CYP1B1: variants seen among roughly 807,000 people sequenced by gnomAD.
The protein encoded by CYP1B1 is cytochrome P450 family 1 subfamily B member 1.
In CYP1B1, 22 loss-of-function variants were observed where a neutral mutation model predicts 29.9. That is an observed-to-expected ratio of 0.74 (90% CI 0.53 to 1.05). The LOEUF is 1.05. Among genes scored for constraint, CYP1B1 ranks in the 50% least tolerant of loss-of-function variants. The probability of loss-of-function intolerance (pLI) is 0.00; values close to 1 mark genes in which losing one functional copy is unlikely to be tolerated. For synonymous variants in CYP1B1, 375 were observed against 320.0 expected (o/e 1.17, Z -1.83); for missense variants, 883 against 746.9 (o/e 1.18, Z -2.12).
chr2:38,074,863 C>T lies in CYP1B1; in HGVS notation c.526G>A (p.Glu176Lys), dbSNP rs1204570375. ...CCGCGCACCAGCAGCGCCACCAGCT[C>T]GCGCGCCTCGCTCAGCACGTGGCCC... ...LEGHVLSEAR[E>K]LVALLVRGSA... The change falls in exon 2 of 3, where the codon GAG becomes AAG. Residue 176 changes from glutamate (E) to lysine (K), a missense_variant. Physicochemically the swap from Glu to Lys is moderately conservative, Grantham distance 56. Coordinates refer to ENST00000610745, the MANE Select transcript of CYP1B1 (RefSeq NM_000104.4). 5 of 1,554,798 alleles carry T rather than the reference C, an allele frequency of 3.2e-6. No individual in the cohort carries two copies. The South Asian group carries it at 3.5e-5, about 11-fold the overall frequency.
intron 2 of CYP1B1, among the ~76,000 whole-genome samples, chr2:38,072,587 GAA>G (rs1297341476): frequency 6.6e-6 from 1 of 151,792 alleles, no homozygotes; most frequent in South Asian, 2.1e-4. Flanking sequence ...TTGCAACTCC[GAA>G]AAAAAATGTA....
chr2:38,075,207 C>G lies in CYP1B1; in HGVS notation c.182G>C (p.Gly61Ala), dbSNP rs28936700. ...PPGPFAWPLIGNAAAVGQAAH... is the reference protein window; with the variant it reads ...PPGPFAWPLIANAAAVGQAAH... ...CGCCTGGCCCACCGCCGCCGCGTTTCCGATCAGTGGCCACGCAAACGGGCC... is the reference window on the plus strand; with the variant it reads ...CGCCTGGCCCACCGCCGCCGCGTTTGCGATCAGTGGCCACGCAAACGGGCC... The change falls in exon 2 of 3, where the codon GGA (glycine) becomes GCA (alanine). Residue 61 changes from glycine to alanine, a missense_variant. Coordinates refer to ENST00000610745, the MANE Select transcript of CYP1B1 (RefSeq NM_000104.4). 6.3e-7 allele frequency: 1 copy of G among 1,579,668 alleles called. No homozygotes were observed.
intron 2 of CYP1B1, among the ~76,000 whole-genome samples, chr2:38,071,860 C>G (rs549124113): frequency 6.6e-6 from 1 of 152,138 alleles, no homozygotes; most frequent in Non-Finnish European, 1.5e-5. Context: ...CCAGGGCCCA[C>G]GAAAGTTACA....
intron 2 of CYP1B1, 56 bp downstream of exon 2, chr2:38,074,290 T>G (rs1341428011): frequency 1.3e-6 from 2 of 1,578,720 alleles, no homozygotes; most frequent in Non-Finnish European, 1.7e-6. Context: ...ATTCTGTCTC[T>G]ACTCCGCCTT....
At chr2:38,072,252 G>A (rs1682446914) in intron 2 of CYP1B1, among the ~76,000 whole-genome samples, 1 of 152,128 alleles carries the variant, frequency 6.6e-6, no homozygotes, top group Non-Finnish European at 1.5e-5. Flanking sequence ...GCCAGGCATG[G>A]TGGTACACGC....
chr2:38,075,369 G>A lies in CYP1B1; in HGVS notation c.20C>T (p.Pro7Leu), dbSNP rs764759660. Residue 7 changes from proline (P) to leucine (L), a missense_variant, in exon 2 of 3, where the codon CCG becomes CTG. By Grantham distance (98) the Pro-to-Leu change is moderately conservative. Transcript: ENST00000610745. ...CGGGTTTAGCGGCCAAGGGTCGTTCGGGCTGAGGCTGGTGCCCATGCTGGG... is the reference window on the plus strand; with the variant it reads ...CGGGTTTAGCGGCCAAGGGTCGTTCAGGCTGAGGCTGGTGCCCATGCTGGG... MGTSLS[P>L]NDPWPLNPLS... 2 of 1,612,900 alleles carry A rather than the reference G, an allele frequency of 1.2e-6. No homozygotes were observed. Among genetic ancestry groups the A allele is most frequent in the East Asian group, 2.2e-5 (1 of 44,864 alleles).
rs201824781 is a variant in CYP1B1, at chr2:38,075,234, G to A, written c.155C>T (p.Pro52Leu). ...GATCAGTGGCCACGCAAACGGGCCC[G>A]GGGGCGCGGACCGGAGCTGCCGCCT... is the stretch of plus-strand genomic sequence containing the variant. ...QRRRQLRSAP[P>L]GPFAWPLIGN... Residue 52 changes from proline (P) to leucine (L), a missense_variant, in exon 2 of 3, where the codon CCG becomes CTG. Pro to Leu is a moderately conservative substitution (Grantham distance 98). Coordinates refer to ENST00000610745, the MANE Select transcript of CYP1B1 (RefSeq NM_000104.4). The A allele has an allele frequency of 2.9e-4, 454 of 1,589,128 alleles. 1 individual carries two copies. The highest frequency in any genetic ancestry group is 3.0e-4 in the Non-Finnish European group (351 of 1,173,366).
At position 38,074,832 on chromosome 2, in the gene CYP1B1, G is replaced by C. The variant is rs1462891827; in HGVS notation, c.557C>G (p.Ala186Gly). ...CCTCGGGTCGAGGAAGGCGCCGTCC[G>C]CGCTGCCGCGCACCAGCAGCGCCAC... The part of the protein sequence containing the change: ...ELVALLVRGS[A>G]DGAFLDPRPL... The change falls in exon 2 of 3, where the codon GCG becomes GGG. Residue 186 changes from alanine (A) to glycine (G), a missense_variant. Coordinates refer to ENST00000610745, the MANE Select transcript of CYP1B1 (RefSeq NM_000104.4). 6.4e-7 allele frequency: 1 copy of C among 1,565,010 alleles called. No individual in the cohort carries two copies. Among genetic ancestry groups the C allele is most frequent in the African/African-American group, 1.4e-5 (1 of 73,820 alleles).
Position 38,074,525 on chromosome 2 carries a change from GGCGGCCCCGGGCCGAAGGCTTTCGCAGT to G in CYP1B1, c.836_863del (p.His279ProfsTer5), listed in dbSNP as rs1201057731. 1 of 1,607,602 alleles carries G rather than the reference GGCGGCCCCGGGCCGAAGGCTTTCGCAGT, an allele frequency of 6.2e-7. No individual in the cohort carries two copies. Among genetic ancestry groups the G allele is most frequent in the Non-Finnish European group, 8.5e-7 (1 of 1,177,382 alleles). ...TAAAGGCGTCCATCATGTCGCGGGG[GGCGGCCCCGGGCCGAAGGCTTTCGCAGT>G]GCCTCAAGAACTTGTCCAGGATGAA... On this transcript the variant is annotated frameshift_variant, in exon 2 of 3. Coordinates refer to ENST00000610745, the MANE Select transcript of CYP1B1 (RefSeq NM_000104.4). LOFTEE classifies it high-confidence loss of function.
Position 38,075,084 on chromosome 2 carries a change from G to C in CYP1B1, c.305C>G (p.Ala102Gly). ...CPIVVLNGER[A>G]IHQALVQQGS... ...CTGCTGCACCAGGGCCTGGTGGATG[G>C]CGCGCTCGCCATTCAGCACCACTAT... is the stretch of plus-strand genomic sequence containing the variant. Residue 102 changes from alanine to glycine, a missense_variant, in exon 2 of 3, where the codon GCC becomes GGC. Coordinates refer to ENST00000610745, the MANE Select transcript of CYP1B1 (RefSeq NM_000104.4). The C allele has an allele frequency of 6.3e-7, 1 of 1,580,856 alleles. No homozygotes were observed. The highest frequency in any genetic ancestry group is 8.5e-7 in the Non-Finnish European group (1 of 1,171,196).
Position 38,068,263 on chromosome 2 carries a change from C to T in CYP1B1, c.*2459G>A, listed in dbSNP as rs1682350343. On this transcript the variant is annotated 3_prime_UTR_variant, in exon 3 of 3. Coordinates refer to ENST00000610745, the MANE Select transcript of CYP1B1 (RefSeq NM_000104.4). ...GCCTCCAAATTCAGTTATTTTCATT[C>T]GTTTTTTGTTTTCTTTTCCTTTCTT... is the stretch of plus-strand genomic sequence containing the variant. 1 of 219,404 alleles carries T rather than the reference C, an allele frequency of 4.6e-6. No homozygotes were observed. The highest frequency in any genetic ancestry group is 5.8e-5 in the Admixed American group (1 of 17,308). 13.6% of individuals were successfully genotyped at this position (219,404 alleles called of 1,614,324 possible).
chr2:38,068,646 T>C lies in CYP1B1; in HGVS notation c.*2076A>G. ...TCTAATGCCTTTAAAAATACTGGCATGATTTTTTATATTCAAGAAGTACAG... is the reference window on the plus strand; with the variant it reads ...TCTAATGCCTTTAAAAATACTGGCACGATTTTTTATATTCAAGAAGTACAG... On this transcript the variant is annotated 3_prime_UTR_variant, in exon 3 of 3. Coordinates refer to ENST00000610745, the MANE Select transcript of CYP1B1 (RefSeq NM_000104.4). 4.4e-6 allele frequency: 1 copy of C among 226,230 alleles called. No individual in the cohort carries two copies. The highest frequency in any genetic ancestry group is 8.8e-6 in the Non-Finnish European group (1 of 113,388). The allele number at this position is 226,230 out of a possible 1,614,324, so 14.0% of individuals were successfully genotyped here.
chr2:38,069,694 TC>T lies in CYP1B1; in HGVS notation c.*1027del, dbSNP rs144188082. 1,387 of 202,436 alleles carry T rather than the reference TC, an allele frequency of 6.9e-3. 18 individuals are homozygous for T. The highest frequency in any genetic ancestry group is 0.03 in the African/African-American group (1,313 of 43,772). The allele number at this position is 202,436 out of a possible 1,614,324, so 12.5% of individuals were successfully genotyped here. On this transcript the variant is annotated 3_prime_UTR_variant, in exon 3 of 3. Transcript: ENST00000610745. ...AAATAGGTGGTTGATTTAATCAAGC[TC>T]ATTTTTAGCACACTTGGTTGCGTTA...
In CYP1B1 at chr2:38,074,239, G is replaced by A. The variant is rs1682482049; in HGVS notation, c.1043+107C>T. 19 of 1,286,450 alleles carry A rather than the reference G, an allele frequency of 1.5e-5. 1 individual carries two copies. In the South Asian group the frequency reaches 2.3e-4, roughly 16 times the overall value. The allele number at this position is 1,286,450 out of a possible 1,614,324, so 79.7% of individuals were successfully genotyped here. Reference sequence around the variant, plus strand: ...TGGTTTTGAGGGGTGGGGACCTGGAGCGAAACCCCAAACCCGGGGCCCTGC... The same window carrying A: ...TGGTTTTGAGGGGTGGGGACCTGGAACGAAACCCCAAACCCGGGGCCCTGC... On this transcript the variant is annotated intron_variant, in intron 2 of 2. Coordinates refer to ENST00000610745, the MANE Select transcript of CYP1B1 (RefSeq NM_000104.4).
intron 2 of CYP1B1, among the ~76,000 whole-genome samples, chr2:38,072,008 C>G (rs1682441651): frequency 6.6e-6 from 1 of 152,088 alleles, no homozygotes. Flanking sequence ...AAAGCAAATA[C>G]CCAATGTTCA....
chr2:38,069,696 AT>A lies in CYP1B1; in HGVS notation c.*1025del. On this transcript the variant is annotated 3_prime_UTR_variant, in exon 3 of 3. Coordinates refer to ENST00000610745, the MANE Select transcript of CYP1B1 (RefSeq NM_000104.4). ...ATAGGTGGTTGATTTAATCAAGCTCATTTTTAGCACACTTGGTTGCGTTAGT... is the reference window on the plus strand; with the variant it reads ...ATAGGTGGTTGATTTAATCAAGCTCATTTTAGCACACTTGGTTGCGTTAGT... The A allele has an allele frequency of 5.0e-6, 1 of 199,744 alleles. No individual in the cohort carries two copies. Among genetic ancestry groups the A allele is most frequent in the African/African-American group, 2.4e-5 (1 of 41,298 alleles). The allele number at this position is 199,744 out of a possible 1,614,324, so 12.4% of individuals were successfully genotyped here.
chr2:38,071,210 G>A lies in CYP1B1; in HGVS notation c.1144C>T (p.Leu382=), dbSNP rs1348163528. 1.9e-6 allele frequency: 3 copies of A among 1,613,416 alleles called. No homozygotes were observed. The highest frequency in any genetic ancestry group is 2.2e-5 in the South Asian group (2 of 91,086). ...MGDQPNLPYV[L]AFLYEAMRFS... is the part of the protein sequence containing the mutation. ...CGCATGGCTTCATAAAGGAAGGCCA[G>A]GACATAGGGCAGGTTGGGCTGGTCA... Residue 382 remains leucine, a synonymous_variant, in exon 3 of 3, where the codon CTG becomes TTG. Transcript: ENST00000610745.
At position 38,070,779 on chromosome 2, in the gene CYP1B1, G is replaced by A. The variant is rs1199307824; in HGVS notation, c.1575C>T (p.Ser525=). 1 of 1,614,204 alleles carries A rather than the reference G, an allele frequency of 6.2e-7. No homozygotes were observed. Among genetic ancestry groups the A allele is most frequent in the Non-Finnish European group, 8.5e-7 (1 of 1,180,038 alleles). The change falls in exon 3 of 3, where the codon TCC becomes TCT. Residue 525 remains serine (S), a synonymous_variant. Coordinates refer to ENST00000610745, the MANE Select transcript of CYP1B1 (RefSeq NM_000104.4). ...SFKVNVTLRE[S]MELLDSAVQN... ...GGACAGCACTATCAAGGAGCTCCAT[G>A]GACTCTCTGAGAGTGACATTGACTT... is the stretch of plus-strand genomic sequence containing the variant.
rs774873997 is a variant in CYP1B1, at chr2:38,074,927, G to A, written c.462C>T (p.Asn154=). Residue 154 remains asparagine, a synonymous_variant, in exon 2 of 3, where the codon AAC becomes AAT. Transcript: ENST00000610745. ...QRRAAHSMMR[N]FFTRQPRSRQ... ...GGCTGCGCGGCTGGCGCGTGAAGAAGTTGCGCATCATGCTGTGGGCTGCGC... is the reference window on the plus strand; with the variant it reads ...GGCTGCGCGGCTGGCGCGTGAAGAAATTGCGCATCATGCTGTGGGCTGCGC... 18 of 1,562,624 alleles carry A rather than the reference G, an allele frequency of 1.2e-5. No homozygotes were observed. Among genetic ancestry groups the A allele is most frequent in the Non-Finnish European group, 1.6e-5 (18 of 1,160,402 alleles).
Sources: gnomAD v4.1 joint callset for allele counts (sites outside exome capture counted in the v4.1 genomes callset) on GRCh38, gnomAD v4.1.1 for gene constraint, MANE v1.5 for transcripts, NCBI Gene and HGNC (gene_info 2026-07-23, HGNC 2026-07-21) for gene names.